Variants in FYB1 observed in about 807,000 individuals in gnomAD.
FYB1 encodes the protein FYN binding protein 1, also known as FYN-binding protein 1.
A neutral mutation model predicts 94.1 loss-of-function variants in FYB1; 41 were observed. The ratio of observed to expected loss-of-function variants is 0.44; its 90% CI spans 0.34 to 0.57. The LOEUF is 0.57. Among genes scored for constraint, FYB1 ranks in the 20% least tolerant of loss-of-function variants. The pLI is 0.02. For synonymous variants in FYB1, 367 were observed against 353.2 expected (o/e 1.04, Z -0.44); for missense variants, 1,050 against 976.8 (o/e 1.07, Z -1.00).
chr5:39,253,492 A>C (rs1470642307), intron 1 of FYB1, among the ~76,000 whole-genome samples: 1 of 152,218 alleles, frequency 6.6e-6, no homozygotes, highest in Admixed American at 6.5e-5. Flanking sequence ...TTTTAGGTTC[A>C]GGGGTTCATA....
intron 14 of FYB1, among the ~76,000 whole-genome samples, chr5:39,121,868 G>A (rs1398567453): frequency 6.6e-6 from 1 of 151,812 alleles, no homozygotes; most frequent in Non-Finnish European, 1.5e-5. Flanking sequence ...AGAAGACGGA[G>A]GTGGCTTGAA....
intron 3 of FYB1, among the ~76,000 whole-genome samples, chr5:39,148,158 TATATATATATATATATATATATATATA>T (rs1742887370): frequency 1.9e-4 from 1 of 5,200 alleles, no homozygotes; most frequent in Non-Finnish European, 4.2e-4. Flanking sequence ...GTATTTTTTA[TATATATATATATATATATATATATATA>T]TATATATATA....
chr5:39,127,857 T>A (rs764915223), intron 10 of FYB1, 50 bp from the exon 11 acceptor site: 2 of 1,511,398 alleles, frequency 1.3e-6, no homozygotes, highest in Non-Finnish European at 1.8e-6. Flanking sequence ...AATTTGGCCA[T>A]GTAATGCTCA....
intron 1 of FYB1, among the ~76,000 whole-genome samples, chr5:39,267,071 C>T (rs1035683629): frequency 3.9e-5 from 6 of 152,302 alleles, no homozygotes; most frequent in African/African-American, 1.4e-4. Flanking sequence ...TACTTACTCT[C>T]TACAAGACTC....
chr5:39,245,361 T>C (rs1334224490), intron 1 of FYB1, among the ~76,000 whole-genome samples: 1 of 152,174 alleles, frequency 6.6e-6, no homozygotes, highest in Non-Finnish European at 1.5e-5. Flanking sequence ...GTGGAAGGAA[T>C]AGAGAATATA....
rs1741466165 is a variant in FYB1 at position 39,134,332 on chromosome 5, T to C, written c.1693A>G (p.Thr565Ala). ...ARGSYGYIKT[T>A]AVEIDYDSLK... ...GAATCATAGTCAATCTCTACAGCAG[T>C]TGTTTTAATATAGCCATCTACCAAA... The change falls in exon 9 of 19, where the codon ACT becomes GCT. Residue 565 changes from threonine to alanine, a missense_variant. Transcript: ENST00000512982. 1 of 1,605,694 alleles carries C rather than the reference T, an allele frequency of 6.2e-7. No homozygotes were observed.
chr5:39,158,511 A>C (rs1296391763), intron 2 of FYB1, among the ~76,000 whole-genome samples: 1 of 152,222 alleles, frequency 6.6e-6, no homozygotes, highest in Non-Finnish European at 1.5e-5. Flanking sequence ...GGAAATGAAT[A>C]GAGAGGACCC....
intron 3 of FYB1, among the ~76,000 whole-genome samples, chr5:39,150,726 C>T (rs1023013240): frequency 2.6e-5 from 4 of 152,164 alleles, no homozygotes; most frequent in African/African-American, 9.7e-5. Context: ...TCTCTCTCTT[C>T]AAAATACACC....
At chr5:39,184,373 T>C (rs1746549779) in intron 2 of FYB1, among the ~76,000 whole-genome samples, 1 of 152,210 alleles carries the variant, frequency 6.6e-6, no homozygotes, top group Non-Finnish European at 1.5e-5. Flanking sequence ...CTTATCTTAA[T>C]AAAATCAATA....
chr5:39,251,740 A>G lies in FYB1; in HGVS notation c.-28+22663T>C, dbSNP rs951476154. On this transcript the variant is annotated intron_variant, in intron 1 of 1. Transcript: ENST00000510188. ...TACTTATTTATACATGGATAAGGAC[A>G]TCAGTAAATGTTGTGAAAATAGAAG... Among the ~76,000 whole-genome samples the G allele has an allele frequency of 6.6e-5, 10 of 152,328 alleles. 1 individual carries two copies. The highest frequency in any genetic ancestry group is 1.9e-4 in the African/African-American group (8 of 41,570).
Position 39,126,086 on chromosome 5 carries a change from A to G in FYB1, c.1957T>C (p.Leu653=), listed in dbSNP as rs765797489. 28 of 1,613,474 alleles carry G rather than the reference A, an allele frequency of 1.7e-5. No homozygotes were observed. The South Asian group carries it at 2.0e-4, about 11-fold the overall frequency. Reference sequence around the variant, plus strand: ...TCATCTTTTCCCTTTAACATCTTCAAAATCCCCCAGGACCACGTATTACTC... The same window carrying G: ...TCATCTTTTCCCTTTAACATCTTCAGAATCCCCCAGGACCACGTATTACTC... ...EKSNTWSWGI[L]KMLKGKDDRK... is the part of the protein sequence containing the mutation. The change falls in exon 12 of 19, where the codon TTG becomes CTG. Residue 653 remains leucine, a synonymous_variant. Transcript: ENST00000512982.
At chr5:39,155,690 TG>T (rs1394644193) in intron 2 of FYB1, among the ~76,000 whole-genome samples, 1 of 152,136 alleles carries the variant, frequency 6.6e-6, no homozygotes, top group Non-Finnish European at 1.5e-5. Flanking sequence ...TTGTTGTTGT[TG>T]TTTTTTGTTT....
chr5:39,235,095 C>T (rs528901161), intron 1 of FYB1, among the ~76,000 whole-genome samples: 1 of 151,508 alleles, frequency 6.6e-6, no homozygotes, highest in East Asian at 1.9e-4. Context: ...ATAAATCACA[C>T]AGTTTATAAA....
chr5:39,188,773 T>A (rs990246775), intron 2 of FYB1, among the ~76,000 whole-genome samples: 5 of 152,040 alleles, frequency 3.3e-5, no homozygotes, highest in Non-Finnish European at 5.9e-5. Flanking sequence ...CCTCAGGTAA[T>A]CCGCCCGTCT....
At chr5:39,259,518 C>G (rs141765263) in intron 1 of FYB1, among the ~76,000 whole-genome samples, 1 of 152,156 alleles carries the variant, frequency 6.6e-6, no homozygotes, top group African/African-American at 2.4e-5. Context: ...AGAAAACTAA[C>G]CAACCGATCA....
At chr5:39,201,394 A>G (rs1418052544) in intron 2 of FYB1, among the ~76,000 whole-genome samples, 1 of 152,178 alleles carries the variant, frequency 6.6e-6, no homozygotes, top group Non-Finnish European at 1.5e-5. Flanking sequence ...ACATTGCCAA[A>G]TGTCCCCTGG....
intron 2 of FYB1, among the ~76,000 whole-genome samples, chr5:39,158,343 G>A (rs1743940886): frequency 6.6e-6 from 1 of 152,218 alleles, no homozygotes; most frequent in African/African-American, 2.4e-5. Flanking sequence ...ATGAGTCAGT[G>A]GGTGCTCAGT....
intron 3 of FYB1, 46 bp downstream of exon 3, chr5:39,153,402 A>G (rs770075350): frequency 1.9e-6 from 3 of 1,600,758 alleles, no homozygotes; most frequent in South Asian, 1.1e-5. Flanking sequence ...TTGAAAATCT[A>G]CGGCAAGAGA....
chr5:39,247,082 ATATATATATATATATAT>A (rs1751509315), intron 1 of FYB1, among the ~76,000 whole-genome samples: 1 of 126,174 alleles, frequency 7.9e-6, no homozygotes, highest in Admixed American at 7.8e-5. Flanking sequence ...ATATATATAT[ATATATATATATATATAT>A]ATATATATAT....
Sources: allele counts gnomAD v4.1 joint callset (sites outside exome capture counted in the v4.1 genomes callset), GRCh38; gene constraint gnomAD v4.1.1; transcripts MANE v1.5; gene names NCBI Gene and HGNC (gene_info 2026-07-23, HGNC 2026-07-21).